The following DMD variants were observed in gnomAD, a reference collection of about 807,000 sequenced individuals.
DMD encodes the protein dystrophin, also known as mutant dystrophin.
DMD carries 63 observed loss-of-function variants against 330.1 expected under a neutral mutation model. The ratio of observed to expected loss-of-function variants is 0.19; its 90% CI spans 0.16 to 0.24. The LOEUF (loss-of-function observed/expected upper bound fraction) is 0.24. Ranked by LOEUF, DMD falls within the 10% of genes least tolerant of loss-of-function variation. The probability of loss-of-function intolerance (pLI) is 1.00; values close to 1 mark genes in which losing one functional copy is unlikely to be tolerated. For missense variants in DMD, 3,344 were observed against 2,684.1 expected (o/e 1.25, Z -5.43); for synonymous variants, 1,223 against 959.8 (o/e 1.27, Z -5.07).
chrX:33,073,689 G>A (rs765216299), intron 1 of DMD, among the ~76,000 whole-genome samples: 36 of 110,124 alleles, frequency 3.3e-4, no homozygotes, highest in South Asian at 3.1e-3. Context: ...AAAATTAGCC[G>A]GGCTTGGTGG....
chrX:31,192,394 A>G (rs1198192426), intron 67 of DMD, among the ~76,000 whole-genome samples: 1 of 112,247 alleles, frequency 8.9e-6, no homozygotes, highest in African/African-American at 3.2e-5. Flanking sequence ...GATCATTTAC[A>G]TGAGGTTGTA....
intron 74 of DMD, among the ~76,000 whole-genome samples, chrX:31,150,201 T>C (rs767303657): frequency 8.9e-6 from 1 of 112,110 alleles, no homozygotes; most frequent in African/African-American, 3.2e-5. Flanking sequence ...TCACTTTATA[T>C]ATTTCTAGAC....
At chrX:31,151,936 A>G (rs988022778) in intron 74 of DMD, among the ~76,000 whole-genome samples, 6 of 112,153 alleles carry the variant, frequency 5.3e-5, no homozygotes, top group Non-Finnish European at 9.4e-5. Flanking sequence ...TTGCTCATTT[A>G]TATTTCTTAT....
At chrX:31,557,379 C>T (rs1328734496) in intron 55 of DMD, among the ~76,000 whole-genome samples, 1 of 111,469 alleles carries the variant, frequency 9.0e-6, no homozygotes, top group Non-Finnish European at 1.9e-5. Context: ...ATCCTCTCAC[C>T]CCAAACATCA....
rs182492478 is a variant in DMD, at chrX:32,664,184, G to C, written c.961-19032C>G. ...GGTGATGGTGGTGGCCATGTAAGTA[G>C]TCAGAAGTGATCAGATTCTGGATAT... On this transcript the variant is annotated intron_variant, in intron 9 of 78. Transcript: ENST00000357033. Among the ~76,000 whole-genome samples, 56 of 109,506 alleles carry C rather than the reference G, an allele frequency of 5.1e-4. No individual in the cohort carries two copies. The Middle Eastern group carries it at 0.024, about 46-fold the overall frequency.
chrX:31,154,925 T>C (rs1365333934), intron 74 of DMD, among the ~76,000 whole-genome samples: 1 of 112,185 alleles, frequency 8.9e-6, no homozygotes, highest in Non-Finnish European at 1.9e-5. Flanking sequence ...AAGTCTTCCA[T>C]CCAGTATTTC....
Position 32,380,637 on chromosome X carries a change from G to C in DMD, c.4718C>G (p.Ser1573Cys). The C allele has an allele frequency of 1.7e-6, 2 of 1,208,649 alleles. No homozygotes were observed. Among genetic ancestry groups the C allele is most frequent in the Non-Finnish European group, 2.2e-6 (2 of 894,213 alleles). The change falls in exon 34 of 79, where the codon TCC becomes TGC. Residue 1573 changes from serine to cysteine, a missense_variant. Physicochemically the swap from Ser to Cys is moderately radical, Grantham distance 112. Transcript: ENST00000357033. ...KQQLEKCLKL[S>C]RKMRKEMNVL... is the part of the protein sequence containing the mutation. ...ATTCATTTCCTTTCGCATCTTACGG[G>C]ACAATTTCAAGCATTTCTCCAACTG...
intron 54 of DMD, among the ~76,000 whole-genome samples, chrX:31,639,110 T>G (rs2079582808): frequency 8.9e-6 from 1 of 111,959 alleles, no homozygotes; most frequent in Admixed American, 9.5e-5. Context: ...GCTCCGAAAA[T>G]ACTGCTATTT....
intron 7 of DMD, among the ~76,000 whole-genome samples, chrX:32,735,361 A>G (rs2068310277): frequency 9.0e-6 from 1 of 110,857 alleles, no homozygotes; most frequent in Admixed American, 9.6e-5. Flanking sequence ...TACAGATTCA[A>G]TGTCATCCCC....
chrX:31,648,616 G>A (rs1468848329), intron 54 of DMD, among the ~76,000 whole-genome samples: 3 of 19,064 alleles, frequency 1.6e-4, no homozygotes, highest in Non-Finnish European at 3.2e-4. Flanking sequence ...AAAGGGAGCT[G>A]CAAAAAAAAA....
chrX:33,254,622 C>T (rs1426856140), intron 1 of DMD, among the ~76,000 whole-genome samples: 2 of 109,324 alleles, frequency 1.8e-5, no homozygotes, highest in African/African-American at 6.6e-5. Context: ...TGTGATGATT[C>T]GAAAGAAATA....
Position 31,180,463 on chromosome X carries a change from G to C in DMD, c.9993C>G (p.His3331Gln). 8.3e-7 allele frequency: 1 copy of C among 1,200,631 alleles called. No individual in the cohort carries two copies. The highest frequency in any genetic ancestry group is 1.1e-6 in the Non-Finnish European group (1 of 885,461). ...IIGFRYRSLK[H>Q]FNYDICQSCF... ...AGCTTTGGCAGATGTCATAATTAAA[G>C]TGCTTTAGACTCCTGTACCTGATAA... Residue 3331 changes from histidine (H) to glutamine (Q), a missense_variant, in exon 69 of 79, where the codon CAC (histidine) becomes CAG (glutamine). Transcript: ENST00000357033.
intron 44 of DMD, among the ~76,000 whole-genome samples, chrX:32,038,024 A>G (rs1442396959): frequency 8.9e-6 from 1 of 111,886 alleles, no homozygotes; most frequent in African/African-American, 3.3e-5. Flanking sequence ...GCACATGGTC[A>G]TTTGTTCAAT....
At position 32,439,834 on chromosome X, in the gene DMD, A is replaced by G. The variant is rs564467328; in HGVS notation, c.3921+1346T>C. ...GGAACAATTTGAAATTATGACCACA[A>G]CATAGAAATAAAAGATAAGAGCACT... is the stretch of plus-strand genomic sequence containing the variant. On this transcript the variant is annotated intron_variant, in intron 28 of 78. Coordinates refer to ENST00000357033, the MANE Select transcript of DMD (RefSeq NM_004006.3). Among the ~76,000 whole-genome samples, 26 of 111,671 alleles carry G rather than the reference A, an allele frequency of 2.3e-4. No homozygotes were observed. In the South Asian group the frequency reaches 8.8e-3, roughly 38 times the overall value.
At chrX:32,969,370 A>T (rs1333179066) in intron 2 of DMD, among the ~76,000 whole-genome samples, 2 of 93,498 alleles carry the variant, frequency 2.1e-5, no homozygotes, top group Non-Finnish European at 4.1e-5. Flanking sequence ...TATTTTATAC[A>T]TACATATATG....
chrX:31,583,126 C>T (rs910720958), intron 55 of DMD, among the ~76,000 whole-genome samples: 1 of 112,397 alleles, frequency 8.9e-6, no homozygotes, highest in Admixed American at 9.4e-5. Context: ...CTGTGCTTAT[C>T]AGCAGGTACC....
intron 45 of DMD, among the ~76,000 whole-genome samples, chrX:31,956,471 T>C: frequency 9.0e-6 from 1 of 111,313 alleles, no homozygotes; most frequent in Non-Finnish European, 1.9e-5. Context: ...AAGGGGCAGG[T>C]AAAGCAAGGA....
At chrX:32,059,403 G>A (rs897122610) in intron 44 of DMD, among the ~76,000 whole-genome samples, 1 of 111,251 alleles carries the variant, frequency 9.0e-6, no homozygotes, top group Non-Finnish European at 1.9e-5. Context: ...GCAACTTCTC[G>A]TGAGGGTGGG....
At chrX:32,054,830 GAGGGA>G (rs1177908440) in intron 44 of DMD, among the ~76,000 whole-genome samples, 6 of 91,358 alleles carry the variant, frequency 6.6e-5, no homozygotes, top group African/African-American at 1.6e-4. Flanking sequence ...TGAGAGAGGG[GAGGGA>G]AGGGAAGGGA....
Sources: allele counts gnomAD v4.1 joint callset (sites outside exome capture counted in the v4.1 genomes callset), GRCh38; gene constraint gnomAD v4.1.1; transcripts MANE v1.5; gene names NCBI Gene and HGNC (gene_info 2026-07-23, HGNC 2026-07-21).